TAFA5: variants seen among roughly 807,000 people sequenced by gnomAD.
The protein encoded by TAFA5 is chemokine-like protein TAFA-5.
A neutral mutation model predicts 15.3 loss-of-function variants in TAFA5; 6 were observed. The observed-to-expected ratio is 0.39, with a 90% CI of 0.21 to 0.77. TAFA5 has a LOEUF of 0.77. Among genes scored for constraint, TAFA5 ranks in the 30% least tolerant of loss-of-function variants. TAFA5 has a pLI of 0.41. For synonymous variants in TAFA5, 103 were observed against 80.7 expected, an observed-to-expected ratio of 1.28 and a Z score of -1.48; for missense variants, 161 against 193.1, an observed-to-expected ratio of 0.83 and a Z score of 0.98.
In TAFA5 at chr22:48,583,688, A is replaced by G. The variant is rs1435140916; in HGVS notation, c.113-62909A>G. Among the ~76,000 whole-genome samples, 4 of 152,098 alleles carry G rather than the reference A, an allele frequency of 2.6e-5. No homozygotes were observed. The East Asian group carries it at 7.7e-4, about 29-fold the overall frequency. ...CACACACATGCCTCACATCACACACAAAATATACACACGCCACATCCCACA... is the reference window on the plus strand; with the variant it reads ...CACACACATGCCTCACATCACACACGAAATATACACACGCCACATCCCACA... On this transcript the variant is annotated intron_variant, in intron 1 of 3. Transcript: ENST00000402357.
intron 1 of TAFA5, among the ~76,000 whole-genome samples, chr22:48,582,825 A>ATG (rs1924125664): frequency 9.1e-6 from 1 of 109,988 alleles, no homozygotes; most frequent in African/African-American, 3.1e-5. Flanking sequence ...CACACACCAC[A>ATG]CACAATAAAC....
At chr22:48,511,896 A>G (rs916782977) in intron 1 of TAFA5, among the ~76,000 whole-genome samples, 1 of 152,246 alleles carries the variant, frequency 6.6e-6, no homozygotes, top group Non-Finnish European at 1.5e-5. Flanking sequence ...GCTCCCGGAA[A>G]GGGCTACAGA....
At chr22:48,593,114 T>C (rs1601601817) in intron 1 of TAFA5, among the ~76,000 whole-genome samples, 2 of 151,970 alleles carry the variant, frequency 1.3e-5, no homozygotes, top group Non-Finnish European at 2.9e-5. Flanking sequence ...GGATGGGAGG[T>C]GCCCAAAGTC....
At chr22:48,707,417 A>G (rs1929114070) in intron 2 of TAFA5, among the ~76,000 whole-genome samples, 1 of 151,996 alleles carries the variant, frequency 6.6e-6, no homozygotes, top group Non-Finnish European at 1.5e-5. Flanking sequence ...AGGCAGCCAC[A>G]CTGCAGGAGG....
chr22:48,536,687 C>G (rs28374927), intron 1 of TAFA5, among the ~76,000 whole-genome samples: 35 of 152,248 alleles, frequency 2.3e-4, no homozygotes, highest in Non-Finnish European at 2.9e-4. Flanking sequence ...AGGCTTCCGG[C>G]TCCCTGTGCC....
chr22:48,598,755 C>T lies in TAFA5; in HGVS notation c.113-47842C>T, dbSNP rs1026721034. 2.0e-5 allele frequency among the ~76,000 whole-genome samples: 3 copies of T among 152,164 alleles called. No homozygotes were observed. The highest frequency in any genetic ancestry group is 7.2e-5 in the African/African-American group (3 of 41,434). On this transcript the variant is annotated intron_variant, in intron 1 of 3. Coordinates refer to ENST00000402357, the MANE Select transcript of TAFA5 (RefSeq NM_001082967.3). The surrounding 1 kb of genome is among the most constrained non-coding windows in gnomAD (Gnocchi z 4.0). Reference sequence around the variant, plus strand: ...TCCCCAGAGTTAGCTGAGACCCCACCGAGGAAGGGCTCGGTCCCACAAGAC... The same window carrying T: ...TCCCCAGAGTTAGCTGAGACCCCACTGAGGAAGGGCTCGGTCCCACAAGAC...
Position 48,560,658 on chromosome 22 carries a change from G to T in TAFA5, c.112+70954G>T, listed in dbSNP as rs1175855514. Reference sequence around the variant, plus strand: ...GAGTTTCGCTCTTGTTGCCCAGGCGGGAGTGCAGTGGTGCTATTCGGCTCA... The same window carrying T: ...GAGTTTCGCTCTTGTTGCCCAGGCGTGAGTGCAGTGGTGCTATTCGGCTCA... On this transcript the variant is annotated intron_variant, in intron 1 of 3. Coordinates refer to ENST00000402357, the MANE Select transcript of TAFA5 (RefSeq NM_001082967.3). This position sits in a 1 kb window ranked among gnomAD's most constrained non-coding sequence, Gnocchi z 4.2. Among the ~76,000 whole-genome samples, 1 of 151,714 alleles carries T rather than the reference G, an allele frequency of 6.6e-6. No individual in the cohort carries two copies. The highest frequency in any genetic ancestry group is 2.4e-5 in the African/African-American group (1 of 41,294).
chr22:48,544,954 G>A (rs747041015), intron 1 of TAFA5: 11 of 451,446 alleles, frequency 2.4e-5, no homozygotes, highest in Middle Eastern at 5.3e-4. Flanking sequence ...GATGCTGAGC[G>A]CACCTGCTTT....
chr22:48,688,608 C>G (rs898348693), intron 2 of TAFA5, among the ~76,000 whole-genome samples: 2 of 152,108 alleles, frequency 1.3e-5, no homozygotes, highest in Admixed American at 1.3e-4. Flanking sequence ...GCCGGCTCCT[C>G]CCTGGGTTCA....
intron 3 of TAFA5, among the ~76,000 whole-genome samples, chr22:48,724,861 G>A (rs1216627475): frequency 1.3e-5 from 2 of 152,240 alleles, no homozygotes; most frequent in Admixed American, 6.5e-5. Flanking sequence ...CAGAGACTCA[G>A]CTCCCAGCCT....
chr22:48,677,884 C>T (rs1051940254), intron 2 of TAFA5, among the ~76,000 whole-genome samples: 4 of 152,036 alleles, frequency 2.6e-5, no homozygotes, highest in Admixed American at 2.6e-4. Context: ...TGCTCCAACA[C>T]TGTGGAGGTC....
chr22:48,532,851 G>C (rs1302631999), intron 1 of TAFA5, among the ~76,000 whole-genome samples: 2 of 152,188 alleles, frequency 1.3e-5, no homozygotes, highest in Non-Finnish European at 1.5e-5. Flanking sequence ...ATGAGTCCTA[G>C]GATTTGGAGG....
chr22:48,533,701 G>C (rs1922050128), intron 1 of TAFA5, among the ~76,000 whole-genome samples: 1 of 152,226 alleles, frequency 6.6e-6, no homozygotes, highest in South Asian at 2.1e-4. Flanking sequence ...GGGCATCTTG[G>C]TCCCTGGCCA....
intron 1 of TAFA5, among the ~76,000 whole-genome samples, chr22:48,508,610 C>G (rs561079915): frequency 1.3e-5 from 2 of 152,338 alleles, no homozygotes; most frequent in South Asian, 4.1e-4. Flanking sequence ...GGTCCCAGGA[C>G]TCAACCCAAG....
At chr22:48,712,379 C>T (rs902069604) in intron 3 of TAFA5, among the ~76,000 whole-genome samples, 1 of 152,188 alleles carries the variant, frequency 6.6e-6, no homozygotes, top group South Asian at 2.1e-4. Flanking sequence ...TTTGAAAGTG[C>T]AGGCCGTCAC....
chr22:48,535,014 C>T (rs1922105298), intron 1 of TAFA5, among the ~76,000 whole-genome samples: 1 of 152,242 alleles, frequency 6.6e-6, no homozygotes, highest in Non-Finnish European at 1.5e-5. Context: ...CTCTGTCACC[C>T]CAGCCAGCGA....
chr22:48,654,310 G>C (rs946365104), intron 2 of TAFA5, among the ~76,000 whole-genome samples: 1 of 152,188 alleles, frequency 6.6e-6, no homozygotes, highest in African/African-American at 2.4e-5. Flanking sequence ...CTGGGGCGCT[G>C]GTGTCCTGGC....
intron 1 of TAFA5, among the ~76,000 whole-genome samples, chr22:48,634,648 TTCAC>T (rs113169485): frequency 1.3e-4 from 19 of 150,962 alleles, no homozygotes; most frequent in African/African-American, 2.7e-4. Flanking sequence ...TACTCAGTCA[TTCAC>T]TCACTCACTC....
At chr22:48,577,704 C>T (rs1271023078) in intron 1 of TAFA5, among the ~76,000 whole-genome samples, 3 of 152,334 alleles carry the variant, frequency 2.0e-5, no homozygotes, top group East Asian at 1.9e-4. Context: ...ACCCTGTGAC[C>T]TCCACGGGCC....
Sources: allele counts gnomAD v4.1 joint callset (sites outside exome capture counted in the v4.1 genomes callset), GRCh38; gene constraint gnomAD v4.1.1; non-coding constraint Gnocchi (gnomAD v3.1); transcripts MANE v1.5; gene names NCBI Gene and HGNC (gene_info 2026-07-23, HGNC 2026-07-21).